Variants in PRLR observed in about 807,000 individuals in gnomAD.
PRLR encodes hPRL receptor.
Under a neutral mutation model 40.2 loss-of-function variants are expected in PRLR, and 13 were observed. The observed-to-expected ratio is 0.32, with a 90% CI of 0.21 to 0.51. The LOEUF is 0.51. Ranked by LOEUF, PRLR falls within the 20% of genes least tolerant of loss-of-function variation. The pLI, the probability that PRLR is intolerant of heterozygous loss-of-function variation, is 0.97. For synonymous variants in PRLR, 269 were observed against 278.7 expected (o/e 0.97, Z 0.35); for missense variants, 656 against 747.3 (o/e 0.88, Z 1.42).
At chr5:35,210,407 A>G (rs1157625661) in intron 1 of PRLR, among the ~76,000 whole-genome samples, 4 of 152,224 alleles carry the variant, frequency 2.6e-5, no homozygotes, top group Non-Finnish European at 4.4e-5. Flanking sequence ...TGACTATGAT[A>G]TATTTTAATG....
chr5:35,059,229 T>G lies in PRLR; in HGVS notation c.*5860A>C, dbSNP rs1768895293. On this transcript the variant is annotated 3_prime_UTR_variant, in exon 10 of 10. Coordinates refer to ENST00000618457, the MANE Select transcript of PRLR (RefSeq NM_000949.7). ...TAATCAGCAGCAAGCAGAATGTTAA[T>G]TAATAGTCTAAGATGATCTGAGAGT... The G allele has an allele frequency of 6.6e-6, 1 of 152,008 alleles. No individual in the cohort carries two copies. Among genetic ancestry groups the G allele is most frequent in the African/African-American group, 2.4e-5 (1 of 41,312 alleles). The allele number at this position is 152,008 out of a possible 1,614,324, so 9.4% of individuals were successfully genotyped here. A position where few individuals can be genotyped will look rare whatever the true frequency, so the allele number is the denominator to read the frequency against.
downstream of PRLR, among the ~76,000 whole-genome samples, chr5:35,051,100 A>G (rs754342409): frequency 5.9e-5 from 9 of 152,230 alleles, no homozygotes; most frequent in Non-Finnish European, 8.8e-5. Flanking sequence ...CTCTTTGAAC[A>G]TGTCTCATCG....
At chr5:35,083,446 C>G (rs1484740486) in intron 5 of PRLR, among the ~76,000 whole-genome samples, 4,203 of 141,434 alleles carry the variant, frequency 0.03, 196 homozygotes, top group African/African-American at 0.11. Flanking sequence ...CTTCCTCTCT[C>G]TCTGTGTGTG....
intron 5 of PRLR, among the ~76,000 whole-genome samples, chr5:35,080,210 G>A (rs754062813): frequency 2.6e-5 from 4 of 152,158 alleles, no homozygotes; most frequent in East Asian, 1.9e-4. Context: ...AAACTAAAGA[G>A]CTTCTGCACA....
chr5:35,180,965 C>T (rs1775281351), intron 1 of PRLR, among the ~76,000 whole-genome samples: 1 of 152,176 alleles, frequency 6.6e-6, no homozygotes, highest in South Asian at 2.1e-4. Flanking sequence ...GTATGGATCT[C>T]CTACCTTCTC....
chr5:35,155,580 G>T (rs183748686), intron 1 of PRLR, among the ~76,000 whole-genome samples: 1 of 152,164 alleles, frequency 6.6e-6, no homozygotes, highest in African/African-American at 2.4e-5. Context: ...AATGGAAGCC[G>T]TTGGTTCTTA....
At chr5:35,083,797 C>T (rs888357698) in intron 5 of PRLR, among the ~76,000 whole-genome samples, 4 of 135,144 alleles carry the variant, frequency 3.0e-5, no homozygotes, top group African/African-American at 6.3e-5. Flanking sequence ...GCATTACAGG[C>T]GTGAGGCACC....
chr5:35,083,446 C>CTG (rs1183506375), intron 5 of PRLR, among the ~76,000 whole-genome samples: 97 of 141,474 alleles, frequency 6.9e-4, no homozygotes, highest in African/African-American at 2.4e-3. Flanking sequence ...CTTCCTCTCT[C>CTG]TCTGTGTGTG....
chr5:35,162,480 A>G (rs1774700708), intron 1 of PRLR, among the ~76,000 whole-genome samples: 1 of 152,228 alleles, frequency 6.6e-6, no homozygotes, highest in African/African-American at 2.4e-5. Flanking sequence ...ATAAGTGGGA[A>G]TACAAAAGTA....
At chr5:35,160,129 C>A (rs1211313412) in intron 1 of PRLR, among the ~76,000 whole-genome samples, 2 of 152,158 alleles carry the variant, frequency 1.3e-5, no homozygotes, top group Admixed American at 6.5e-5. Context: ...CTGCTCTGGA[C>A]CAAATCCAGT....
Position 35,055,932 on chromosome 5 carries a change from GCATTTACAAATTCCTTCAAACT to G in PRLR, c.*9135_*9156del, listed in dbSNP as rs1259615916. 1.3e-5 allele frequency: 2 copies of G among 152,088 alleles called. No individual in the cohort carries two copies. The highest frequency in any genetic ancestry group is 4.8e-5 in the African/African-American group (2 of 41,422). 9.4% of individuals were successfully genotyped at this position (152,088 alleles called of 1,614,324 possible). A position where few individuals can be genotyped will look rare whatever the true frequency, so the allele number is the denominator to read the frequency against. ...GTGTCACCTTAAAAATGTACCAGTG[GCATTTACAAATTCCTTCAAACT>G]CATTTACAAATACAGTAATAAAAAT... On this transcript the variant is annotated 3_prime_UTR_variant, in exon 10 of 10. Transcript: ENST00000618457.
intron 2 of PRLR, among the ~76,000 whole-genome samples, chr5:35,110,133 C>T (rs554659922): frequency 5.9e-5 from 9 of 152,030 alleles, no homozygotes; most frequent in South Asian, 2.1e-4. Flanking sequence ...AACCAAACAC[C>T]GCATGTTCTC....
At position 35,229,131 on chromosome 5, in the gene PRLR, A is replaced by T. The variant is rs1351815480; in HGVS notation, c.-106+1137T>A. ...ATATATATATTATATATATTTCTATAATATATATATATAATTAATTAATTC... is the reference window on the plus strand; with the variant it reads ...ATATATATATTATATATATTTCTATTATATATATATATAATTAATTAATTC... On this transcript the variant is annotated intron_variant, in intron 1 of 9. Coordinates refer to ENST00000618457, the MANE Select transcript of PRLR (RefSeq NM_000949.7). Among the ~76,000 whole-genome samples the T allele has an allele frequency of 2.7e-5, 4 of 147,366 alleles. No individual in the cohort carries two copies. The East Asian group carries it at 5.9e-4, about 22-fold the overall frequency.
chr5:35,229,539 T>C (rs1043904742), intron 1 of PRLR, among the ~76,000 whole-genome samples: 5 of 152,128 alleles, frequency 3.3e-5, no homozygotes, highest in African/African-American at 9.7e-5. Context: ...TGAGTTTGCC[T>C]GACTTTAACC....
intron 5 of PRLR, among the ~76,000 whole-genome samples, chr5:35,074,849 A>C (rs1164849250): frequency 1.3e-5 from 2 of 151,936 alleles, no homozygotes; most frequent in Non-Finnish European, 2.9e-5. Context: ...CTGTAGGTAC[A>C]GGCCTTGTGA....
At chr5:35,154,993 G>C (rs1370368536) in intron 1 of PRLR, among the ~76,000 whole-genome samples, 1 of 151,554 alleles carries the variant, frequency 6.6e-6, no homozygotes, top group Admixed American at 6.6e-5. Context: ...GTCAGGGGAG[G>C]GGGTTCAGGG....
chr5:35,125,544 T>C (rs542209216), intron 1 of PRLR, among the ~76,000 whole-genome samples: 2 of 152,334 alleles, frequency 1.3e-5, no homozygotes, highest in South Asian at 2.1e-4. Context: ...ATTAAGAACA[T>C]TCTTAAAATG....
chr5:35,181,935 A>T (rs905795643), intron 1 of PRLR, among the ~76,000 whole-genome samples: 6 of 152,240 alleles, frequency 3.9e-5, no homozygotes, highest in African/African-American at 4.8e-5. Context: ...CAATTATCAC[A>T]CATGATTGAG....
intron 1 of PRLR, among the ~76,000 whole-genome samples, chr5:35,152,353 G>A (rs370704055): frequency 8.9e-4 from 136 of 152,268 alleles, no homozygotes; most frequent in African/African-American, 3.1e-3. Context: ...GGCTTATATT[G>A]TGGGATGATT....
Sources: gnomAD v4.1 joint callset for allele counts (sites outside exome capture counted in the v4.1 genomes callset) on GRCh38, gnomAD v4.1.1 for gene constraint, MANE v1.5 for transcripts, NCBI Gene and HGNC (gene_info 2026-07-23, HGNC 2026-07-21) for gene names.